Variants in RASGRF2 observed in about 807,000 individuals in gnomAD.
RASGRF2 encodes ras-specific guanine nucleotide-releasing factor 2.
RASGRF2 carries 76 observed loss-of-function variants against 151.0 expected under a neutral mutation model. The ratio of observed to expected loss-of-function variants is 0.50; its 90% CI spans 0.42 to 0.61. The LOEUF is 0.61. Ranked by LOEUF, RASGRF2 falls within the 20% of genes least tolerant of loss-of-function variation. The probability of loss-of-function intolerance (pLI) is 0.00; values close to 1 mark genes in which losing one functional copy is unlikely to be tolerated. For missense variants in RASGRF2, 1,148 were observed against 1,564.6 expected (o/e 0.73, Z 4.49); for synonymous variants, 504 against 566.5 (o/e 0.89, Z 1.57).
chr5:81,047,963 G>C lies in RASGRF2; in HGVS notation c.395+4980G>C, dbSNP rs148442056. On this transcript the variant is annotated intron_variant, in intron 2 of 26. Transcript: ENST00000265080. ...CTTGTGGTCTCATCCTTGGAAAAAG[G>C]CTTAATTTGCAGCAAGGTATATAGT... Among the ~76,000 whole-genome samples, 455 of 152,276 alleles carry C rather than the reference G, an allele frequency of 3.0e-3. 1 individual carries two copies. The highest frequency in any genetic ancestry group is 0.01 in the African/African-American group (433 of 41,532).
At chr5:81,061,509 G>A (rs946855657) in intron 2 of RASGRF2, among the ~76,000 whole-genome samples, 49 of 137,468 alleles carry the variant, frequency 3.6e-4, no homozygotes, top group Admixed American at 2.0e-3. Context: ...GATTAAGAAG[G>A]ACTTTTTTTT....
chr5:81,115,987 GAA>G (rs1057305188), intron 15 of RASGRF2, among the ~76,000 whole-genome samples: 23 of 147,418 alleles, frequency 1.6e-4, no homozygotes, highest in African/African-American at 4.7e-4. Flanking sequence ...GGGTTGGAAA[GAA>G]GAGATGGGAG....
chr5:81,182,190 C>T (rs1754931424), intron 18 of RASGRF2, among the ~76,000 whole-genome samples: 1 of 152,190 alleles, frequency 6.6e-6, no homozygotes, highest in Non-Finnish European at 1.5e-5. Context: ...CCAGCAGGGG[C>T]ATAGGTGAGT....
chr5:81,139,901 C>T (rs1378000249), intron 17 of RASGRF2, among the ~76,000 whole-genome samples: 1 of 152,118 alleles, frequency 6.6e-6, no homozygotes, highest in Admixed American at 6.5e-5. Flanking sequence ...AATCATGGCT[C>T]ACTGCAGCCT....
At chr5:81,054,017 G>A (rs1236041607) in intron 2 of RASGRF2, among the ~76,000 whole-genome samples, 3 of 152,150 alleles carry the variant, frequency 2.0e-5, no homozygotes, top group Admixed American at 2.0e-4. Flanking sequence ...TGTAGATTCT[G>A]GATATTAGCC....
At chr5:81,207,385 G>T in intron 21 of RASGRF2, 36 bp downstream of exon 21, 1 of 1,553,080 alleles carries the variant, frequency 6.4e-7, no homozygotes. Flanking sequence ...GGGCTCGGCT[G>T]CTCTAGCTGT....
chr5:80,975,875 C>T (rs1313283483), intron 1 of RASGRF2, among the ~76,000 whole-genome samples: 59 of 139,012 alleles, frequency 4.2e-4, no homozygotes, highest in Admixed American at 6.6e-4. Flanking sequence ...TTTTTTGAGA[C>T]GGAGTTTTGT....
At chr5:81,041,709 C>G (rs1750684010) in intron 1 of RASGRF2, among the ~76,000 whole-genome samples, 1 of 152,142 alleles carries the variant, frequency 6.6e-6, no homozygotes. Flanking sequence ...AAATTTTTAT[C>G]TTCGTATTTA....
At chr5:81,185,219 A>G (rs1272889918) in intron 18 of RASGRF2, among the ~76,000 whole-genome samples, 3 of 152,142 alleles carry the variant, frequency 2.0e-5, no homozygotes, top group African/African-American at 7.2e-5. Flanking sequence ...AGGTGGGGAG[A>G]TGCCTCCTTT....
At chr5:81,123,834 T>G in intron 16 of RASGRF2, 67 bp downstream of exon 16, 1 of 1,497,088 alleles carries the variant, frequency 6.7e-7, no homozygotes, top group Non-Finnish European at 9.0e-7. Context: ...GAACCTTTCC[T>G]TTGCCTAATT....
chr5:80,969,493 C>G lies in RASGRF2; in HGVS notation c.288+8467C>G, dbSNP rs536352965. Among the ~76,000 whole-genome samples, 392 of 145,792 alleles carry G rather than the reference C, an allele frequency of 2.7e-3. 3 individuals carry two copies. The highest frequency in any genetic ancestry group is 7.9e-3 in the Middle Eastern group (2 of 254). On this transcript the variant is annotated intron_variant, in intron 1 of 26. Transcript: ENST00000265080. ...AGACAGAGTCTCACTCTGTCACCCA[C>G]GCTGGAGTGCAGTGGCGCGATCTTG...
At chr5:81,098,536 C>T (rs1752609767) in intron 12 of RASGRF2, among the ~76,000 whole-genome samples, 3 of 152,170 alleles carry the variant, frequency 2.0e-5, no homozygotes, top group Admixed American at 1.3e-4. Context: ...ACCACCAGTG[C>T]AACCGGAGAA....
chr5:81,206,944 C>T, intron 20 of RASGRF2, 39 bp downstream of exon 20: 2 of 1,466,450 alleles, frequency 1.4e-6, no homozygotes, highest in Non-Finnish European at 1.9e-6. Flanking sequence ...CAACTATGTG[C>T]AAACTACCTC....
At chr5:81,028,829 A>T (rs10075911) in intron 1 of RASGRF2, among the ~76,000 whole-genome samples, 2 of 152,078 alleles carry the variant, frequency 1.3e-5, no homozygotes, top group Non-Finnish European at 2.9e-5. Context: ...CCCATGGAGC[A>T]TGAGCAGAAG....
intron 1 of RASGRF2, among the ~76,000 whole-genome samples, chr5:80,978,660 G>A (rs1748203057): frequency 6.6e-6 from 1 of 152,092 alleles, no homozygotes; most frequent in African/African-American, 2.4e-5. Flanking sequence ...GATGGCGGGT[G>A]CCTGTAATCC....
At position 81,229,472 on chromosome 5, in the gene RASGRF2, G is replaced by A. The variant is rs540528802; in HGVS notation, c.*3702G>A. ...GTGTCATTTCTCAGCGGCCATTGGTGACTTAAAATTAAGATGAGGCAGAGC... is the reference window on the plus strand; with the variant it reads ...GTGTCATTTCTCAGCGGCCATTGGTAACTTAAAATTAAGATGAGGCAGAGC... On this transcript the variant is annotated 3_prime_UTR_variant, in exon 27 of 27. Coordinates refer to ENST00000265080, the MANE Select transcript of RASGRF2 (RefSeq NM_006909.3). The A allele has an allele frequency of 2.4e-4, 36 of 152,310 alleles. No individual in the cohort carries two copies. The highest frequency in any genetic ancestry group is 2.2e-3 in the Admixed American group (33 of 15,304). 9.4% of individuals were successfully genotyped at this position (152,310 alleles called of 1,614,324 possible).
At chr5:81,124,671 A>T (rs1486136040) in intron 16 of RASGRF2, among the ~76,000 whole-genome samples, 1 of 147,772 alleles carries the variant, frequency 6.8e-6, no homozygotes, top group Non-Finnish European at 1.5e-5. Flanking sequence ...TTGGGAACAT[A>T]ATAAATGTCC....
intron 1 of RASGRF2, among the ~76,000 whole-genome samples, chr5:81,037,377 G>C (rs1364304597): frequency 6.6e-6 from 1 of 152,104 alleles, no homozygotes; most frequent in African/African-American, 2.4e-5. Flanking sequence ...TGATATTAAA[G>C]GTGTTGCTCT....
chr5:81,216,086 A>G, intron 24 of RASGRF2, 131 bp downstream of exon 24: 1 of 950,718 alleles, frequency 1.1e-6, no homozygotes, highest in Non-Finnish European at 1.4e-6. Flanking sequence ...AACTTGTATC[A>G]TCTAGGTATT....
Sources: gnomAD v4.1 joint callset for allele counts (sites outside exome capture counted in the v4.1 genomes callset) on GRCh38, gnomAD v4.1.1 for gene constraint, MANE v1.5 for transcripts, NCBI Gene and HGNC (gene_info 2026-07-23, HGNC 2026-07-21) for gene names.